The following CDH9 variants were observed in gnomAD, a reference collection of about 807,000 sequenced individuals.
The protein encoded by CDH9 is cadherin 9.
A neutral mutation model predicts 70.9 loss-of-function variants in CDH9; 28 were observed. That is an observed-to-expected ratio of 0.40 (90% confidence interval 0.29 to 0.54). The LOEUF is 0.54. Among genes scored for constraint, CDH9 ranks in the 20% least tolerant of loss-of-function variants. The pLI is 0.59. For synonymous variants in CDH9, 409 were observed against 343.1 expected (o/e 1.19, Z -2.12); for missense variants, 874 against 984.4 (o/e 0.89, Z 1.50).
At chr5:26,958,791 T>C (rs780108508) in intron 2 of CDH9, among the ~76,000 whole-genome samples, 92 of 152,126 alleles carry the variant, frequency 6.0e-4, no homozygotes, top group Non-Finnish European at 1.2e-3. Context: ...ATAAAAAGCA[T>C]GCAGAAATAT....
chr5:27,017,752 A>G (rs904167750), intron 1 of CDH9, among the ~76,000 whole-genome samples: 7 of 152,046 alleles, frequency 4.6e-5, no homozygotes, highest in African/African-American at 1.4e-4. Context: ...ATTAAAAAGC[A>G]TTTAGAAAGC....
chr5:26,948,078 T>C (rs1490496053), intron 2 of CDH9, among the ~76,000 whole-genome samples: 1 of 152,012 alleles, frequency 6.6e-6, no homozygotes, highest in African/African-American at 2.4e-5. Context: ...ATTCACAGAC[T>C]TTTAGGCTAT....
intron 11 of CDH9, among the ~76,000 whole-genome samples, chr5:26,883,279 T>A (rs1415472050): frequency 6.6e-6 from 1 of 151,394 alleles, no homozygotes; most frequent in East Asian, 2.0e-4. Context: ...AAAATAACAA[T>A]TGTGTAGTCA....
chr5:26,890,549 C>A lies in CDH9; in HGVS notation c.1269G>T (p.Arg423=). The A allele has an allele frequency of 1.2e-6, 2 of 1,605,946 alleles. No homozygotes were observed. The highest frequency in any genetic ancestry group is 1.7e-6 in the Non-Finnish European group (2 of 1,172,804). ...RNNLIKYSVD[R]HTDMDRIFGI... ...CAAAAATACGGTCCATATCAGTATG[C>A]CGATCAACAGAGTACCTGGCAGAAG... Residue 423 remains arginine (R), a synonymous_variant, in exon 8 of 12, where the codon CGG becomes CGT. Transcript: ENST00000231021.
intron 2 of CDH9, among the ~76,000 whole-genome samples, chr5:26,987,091 C>CTTTTTTTTTTTTT: frequency 9.2e-6 from 1 of 108,282 alleles, no homozygotes; most frequent in Non-Finnish European, 1.9e-5. Context: ...CACTTGTATT[C>CTTTTTTTTTTTTT]TTTTTTTTTT....
chr5:26,992,011 G>A (rs191258804), intron 1 of CDH9, among the ~76,000 whole-genome samples: 73 of 152,188 alleles, frequency 4.8e-4, no homozygotes, highest in Middle Eastern at 3.4e-3. Context: ...ATATGGATAC[G>A]TATACAGATG....
At chr5:26,917,247 CT>C (rs541219955) in intron 2 of CDH9, among the ~76,000 whole-genome samples, 12 of 151,012 alleles carry the variant, frequency 7.9e-5, no homozygotes, top group South Asian at 2.1e-4. Flanking sequence ...ACATACTTAT[CT>C]TTTTTTTTGT....
In CDH9 at chr5:26,906,838, C is replaced by T. The variant is rs1178482472; in HGVS notation, c.524G>A (p.Gly175Asp). The part of the protein sequence containing the change: ...TASVPEMSGV[G>D]TSVIQVTATD... ...TGCAGTTACTTGTATAACAGATGTA[C>T]CTACATGAAACCCCCATCCCCAAAC... is the stretch of plus-strand genomic sequence containing the variant. The change falls in exon 4 of 12, where the codon GGT (glycine) becomes GAT (aspartate). Residue 175 changes from glycine (G) to aspartate (D), a missense_variant and splice_region_variant. Coordinates refer to ENST00000231021, the MANE Select transcript of CDH9 (RefSeq NM_016279.4). 1 of 1,601,404 alleles carries T rather than the reference C, an allele frequency of 6.2e-7. No individual in the cohort carries two copies. The highest frequency in any genetic ancestry group is 2.2e-5 in the East Asian group (1 of 44,562).
intron 1 of CDH9, among the ~76,000 whole-genome samples, chr5:27,004,965 T>A (rs1305729288): frequency 3.3e-5 from 5 of 152,038 alleles, no homozygotes; most frequent in African/African-American, 1.2e-4. Context: ...TCAGTATCAA[T>A]GGAGAGCAAC....
chr5:26,904,335 T>C (rs1740909754), intron 5 of CDH9, among the ~76,000 whole-genome samples: 1 of 151,308 alleles, frequency 6.6e-6, no homozygotes, highest in African/African-American at 2.4e-5. Context: ...GATGTTTGTA[T>C]TTTTTGTAGG....
At chr5:26,977,248 C>T (rs575982408) in intron 2 of CDH9, among the ~76,000 whole-genome samples, 22 of 151,772 alleles carry the variant, frequency 1.4e-4, no homozygotes, top group Admixed American at 8.5e-4. Context: ...TGGAAACTGG[C>T]AAGATAATTT....
At chr5:26,961,818 G>A (rs1322073657) in intron 2 of CDH9, among the ~76,000 whole-genome samples, 1 of 151,956 alleles carries the variant, frequency 6.6e-6, no homozygotes, top group East Asian at 1.9e-4. Flanking sequence ...GCATTATCCA[G>A]AAGCCCCCTT....
intron 11 of CDH9, among the ~76,000 whole-genome samples, chr5:26,882,714 T>G (rs1053205756): frequency 6.6e-6 from 1 of 151,944 alleles, no homozygotes; most frequent in African/African-American, 2.4e-5. Flanking sequence ...TTTCCTTTAC[T>G]TTAGGGTTCT....
chr5:27,027,981 T>C (rs1743248746), intron 1 of CDH9, among the ~76,000 whole-genome samples: 1 of 152,078 alleles, frequency 6.6e-6, no homozygotes, highest in Non-Finnish European at 1.5e-5. Flanking sequence ...TAAACTCAAA[T>C]TAAAACATAA....
chr5:26,881,417 T>C lies in CDH9; in HGVS notation c.2089A>G (p.Ile697Val). The stretch of plus-strand genomic sequence containing the variant: ...GGCACAGTCCTCCTTATCTGAAAAA[T>C]AGTTTCAGGCATTACATCCCGTCTA... ...KLRRDVMPET[I>V]FQIRRTVPLW... The change falls in exon 12 of 12, where the codon ATT (isoleucine) becomes GTT (valine). Residue 697 changes from isoleucine (I) to valine (V), a missense_variant. Ile to Val is a conservative substitution (Grantham distance 29, BLOSUM62 3). Transcript: ENST00000231021. 6.2e-7 allele frequency: 1 copy of C among 1,613,084 alleles called. No individual in the cohort carries two copies. The highest frequency in any genetic ancestry group is 1.1e-5 in the South Asian group (1 of 91,054).
intron 1 of CDH9, among the ~76,000 whole-genome samples, chr5:27,006,315 A>G (rs996094854): frequency 1.1e-4 from 16 of 152,062 alleles, no homozygotes; most frequent in African/African-American, 3.9e-4. Flanking sequence ...GGTCTTCTTC[A>G]TTTTCCTCAG....
intron 2 of CDH9, among the ~76,000 whole-genome samples, chr5:26,933,811 C>A (rs946075937): frequency 6.8e-6 from 1 of 147,400 alleles, no homozygotes; most frequent in Non-Finnish European, 1.5e-5. Flanking sequence ...TAAAATAAAA[C>A]AAAATAATAA....
At position 27,005,372 on chromosome 5, in the gene CDH9, C is replaced by G. The variant is rs955601094; in HGVS notation, c.-49-16990G>C. Among the ~76,000 whole-genome samples, 10 of 152,108 alleles carry G rather than the reference C, an allele frequency of 6.6e-5. 1 individual carries two copies. The South Asian group carries it at 1.2e-3, about 19-fold the overall frequency. ...TGCAAGCAAAGAACATGAACTGACA[C>G]TTCTCAAAAGAAGACATACATGCGG... is the stretch of plus-strand genomic sequence containing the variant. On this transcript the variant is annotated intron_variant, in intron 1 of 11. Transcript: ENST00000231021.
intron 3 of CDH9, among the ~76,000 whole-genome samples, chr5:26,912,878 T>A (rs1579679575): frequency 6.6e-6 from 1 of 151,562 alleles, no homozygotes; most frequent in Non-Finnish European, 1.5e-5. Context: ...TGGGGGAGGG[T>A]CTTTTCTGCA....
Sources: allele counts gnomAD v4.1 joint callset (sites outside exome capture counted in the v4.1 genomes callset), GRCh38; gene constraint gnomAD v4.1.1; transcripts MANE v1.5; gene names NCBI Gene and HGNC (gene_info 2026-07-23, HGNC 2026-07-21).